GRIN2B: variants seen among roughly 807,000 people sequenced by gnomAD.
GRIN2B encodes the protein glutamate receptor ionotropic, NMDA 2B.
In GRIN2B, 5 loss-of-function variants were observed where a neutral mutation model predicts 114.5. That is an observed-to-expected ratio of 0.04 (90% CI 0.02 to 0.09). The LOEUF (loss-of-function observed/expected upper bound fraction) is 0.09. Ranked by LOEUF, GRIN2B falls within the 10% of genes least tolerant of loss-of-function variation. The pLI, the probability that GRIN2B is intolerant of heterozygous loss-of-function variation, is 1.00. For synonymous variants in GRIN2B, 787 were observed against 745.1 expected (o/e 1.06, Z -0.92); for missense variants, 1,108 against 1,943.5 (o/e 0.57, Z 8.08).
At position 13,753,168 on chromosome 12, in the gene GRIN2B, C is replaced by G. The variant is rs1863514183; in HGVS notation, c.1010+149G>C. 4.0e-6 allele frequency: 3 copies of G among 748,772 alleles called. No individual in the cohort carries two copies. Among genetic ancestry groups the G allele is most frequent in the Non-Finnish European group, 7.3e-6 (3 of 409,280 alleles). 46.4% of individuals were successfully genotyped at this position (748,772 alleles called of 1,614,324 possible). A position where few individuals can be genotyped will look rare whatever the true frequency, so the allele number is the denominator to read the frequency against. On this transcript the variant is annotated intron_variant, in intron 4 of 13. Transcript: ENST00000609686. This position sits in a 1 kb window ranked among gnomAD's most constrained non-coding sequence, Gnocchi z 6.2. ...GCAAGGTTGGATCCAAAACACTCCC[C>G]CAATCATGACCAATTGCCATGCCCA... is the stretch of plus-strand genomic sequence containing the variant.
intron 10 of GRIN2B, among the ~76,000 whole-genome samples, chr12:13,597,131 G>C (rs1417698135): frequency 6.6e-6 from 1 of 152,148 alleles, no homozygotes; most frequent in Non-Finnish European, 1.5e-5. Context: ...TCTGTAAAAC[G>C]ATGTTAATAA....
At chr12:13,701,862 C>T (rs1437961172) in intron 4 of GRIN2B, among the ~76,000 whole-genome samples, 1 of 152,188 alleles carries the variant, frequency 6.6e-6, no homozygotes, top group African/African-American at 2.4e-5. Flanking sequence ...AAGACAAACA[C>T]AAAGCAAAGC....
At chr12:13,687,759 C>T (rs1950184211) in intron 4 of GRIN2B, among the ~76,000 whole-genome samples, 1 of 152,192 alleles carries the variant, frequency 6.6e-6, no homozygotes, top group Admixed American at 6.5e-5. Flanking sequence ...TGCTCTTAGG[C>T]ACTGGATTCC....
intron 2 of GRIN2B, among the ~76,000 whole-genome samples, chr12:13,894,475 C>T (rs1281439857): frequency 6.6e-6 from 1 of 151,888 alleles, no homozygotes; most frequent in Non-Finnish European, 1.5e-5. Flanking sequence ...TTAAAAAGAG[C>T]ACCAAAAAAC....
intron 3 of GRIN2B, among the ~76,000 whole-genome samples, chr12:13,807,223 A>T (rs1440233633): frequency 6.6e-6 from 1 of 152,078 alleles, no homozygotes; most frequent in East Asian, 1.9e-4. Flanking sequence ...TTCTATGGTG[A>T]CCTTCTGCCC....
At chr12:13,852,891 C>A (rs1296045361) in intron 3 of GRIN2B, among the ~76,000 whole-genome samples, 1 of 152,090 alleles carries the variant, frequency 6.6e-6, no homozygotes, top group Admixed American at 6.5e-5. Flanking sequence ...AAACAGCACC[C>A]TGCCAATACC....
intron 2 of GRIN2B, among the ~76,000 whole-genome samples, chr12:13,897,882 T>A (rs549261940): frequency 6.6e-6 from 1 of 152,050 alleles, no homozygotes; most frequent in Admixed American, 6.5e-5. Context: ...TAGAAAATTT[T>A]ATATCCTGGG....
Position 13,547,981 on chromosome 12 carries a change from A to ATATATATATATATATATTTT in GRIN2B, c.*14801_*14802insAAAATATATATATATATATA. On this transcript the variant is annotated 3_prime_UTR_variant, in exon 14 of 14. Coordinates refer to ENST00000609686, the MANE Select transcript of GRIN2B (RefSeq NM_000834.5). The stretch of plus-strand genomic sequence containing the variant: ...TGTGTATATATATATATATATATAT[A>ATATATATATATATATATTTT]TTTTTTTTTTTTTTCTGAAAGCTAC... 2.9e-5 allele frequency: 2 copies of ATATATATATATATATATTTT among 68,586 alleles called. No homozygotes were observed. Among genetic ancestry groups the ATATATATATATATATATTTT allele is most frequent in the African/African-American group, 4.6e-5 (1 of 21,784 alleles). 4.2% of individuals were successfully genotyped at this position (68,586 alleles called of 1,614,324 possible).
chr12:13,826,952 T>C (rs1224539651), intron 3 of GRIN2B, among the ~76,000 whole-genome samples: 1 of 151,626 alleles, frequency 6.6e-6, no homozygotes, highest in Non-Finnish European at 1.5e-5. Flanking sequence ...TGCCTTTACA[T>C]AGATAAAAAG....
chr12:13,874,184 T>C (rs762211177), intron 2 of GRIN2B, among the ~76,000 whole-genome samples: 42 of 152,186 alleles, frequency 2.8e-4, no homozygotes, highest in Admixed American at 1.6e-3. Flanking sequence ...CTCTCCCGAG[T>C]AAGAGCCTTC....
At chr12:13,676,799 T>C (rs1370414231) in intron 4 of GRIN2B, among the ~76,000 whole-genome samples, 3 of 152,160 alleles carry the variant, frequency 2.0e-5, no homozygotes, top group African/African-American at 4.8e-5. Context: ...AGGGATCTGA[T>C]ATGACAGGAT....
At chr12:13,711,942 G>A (rs891075992) in intron 4 of GRIN2B, among the ~76,000 whole-genome samples, 8 of 151,918 alleles carry the variant, frequency 5.3e-5, no homozygotes, top group Non-Finnish European at 7.4e-5. Flanking sequence ...TGTTTACTGC[G>A]GCACTATTCA....
At position 13,946,609 on chromosome 12, in the gene GRIN2B, G is replaced by A. The variant is rs1363707708; in HGVS notation, c.-19+33319C>T. On this transcript the variant is annotated intron_variant, in intron 2 of 13. Transcript: ENST00000609686. ...TATTTTTTATTTCCTGTAATCATAGGTGTTTAAGTGTTGTTTTCTGGATTG... is the reference window on the plus strand; with the variant it reads ...TATTTTTTATTTCCTGTAATCATAGATGTTTAAGTGTTGTTTTCTGGATTG... Among the ~76,000 whole-genome samples, 5 of 151,946 alleles carry A rather than the reference G, an allele frequency of 3.3e-5. No individual in the cohort carries two copies. The South Asian group carries it at 1.0e-3, about 31-fold the overall frequency.
rs1244849936 is a variant in GRIN2B at position 13,547,643 on chromosome 12, T to A, written c.*15140A>T. The A allele has an allele frequency of 6.6e-6, 1 of 152,164 alleles. No individual in the cohort carries two copies. The highest frequency in any genetic ancestry group is 2.4e-5 in the African/African-American group (1 of 41,448). The allele number at this position is 152,164 out of a possible 1,614,324, so 9.4% of individuals were successfully genotyped here. A position where few individuals can be genotyped will look rare whatever the true frequency, so the allele number is the denominator to read the frequency against. On this transcript the variant is annotated 3_prime_UTR_variant, in exon 14 of 14. Transcript: ENST00000609686. ...ATGGGAGTTTTGTTCTTGGTCTTAGTTGTCTCCCTAGGAGAAGCAGCTCTT... is the reference window on the plus strand; with the variant it reads ...ATGGGAGTTTTGTTCTTGGTCTTAGATGTCTCCCTAGGAGAAGCAGCTCTT...
intron 2 of GRIN2B, among the ~76,000 whole-genome samples, chr12:13,936,698 C>A (rs1445284861): frequency 6.6e-6 from 1 of 152,008 alleles, no homozygotes; most frequent in African/African-American, 2.4e-5. Context: ...GAAAATGTGA[C>A]ACAGATTTTG....
intron 5 of GRIN2B, among the ~76,000 whole-genome samples, chr12:13,647,948 C>T (rs759742976): frequency 6.6e-5 from 10 of 152,042 alleles, no homozygotes; most frequent in Non-Finnish European, 8.8e-5. Flanking sequence ...TTGAGCTTGA[C>T]GAGTCAGAGA....
In GRIN2B at chr12:13,558,183, T is replaced by A. The variant is rs2136395649; in HGVS notation, c.*4600A>T. The A allele has an allele frequency of 6.6e-6, 1 of 152,282 alleles. No individual in the cohort carries two copies. 9.4% of individuals were successfully genotyped at this position (152,282 alleles called of 1,614,324 possible). A position where few individuals can be genotyped will look rare whatever the true frequency, so the allele number is the denominator to read the frequency against. The stretch of plus-strand genomic sequence containing the variant: ...GTGTAGCAGCCTACTGAGCATGTAT[T>A]TCCTATATGGCTTTGGGCTCAGAGA... On this transcript the variant is annotated 3_prime_UTR_variant, in exon 14 of 14. Transcript: ENST00000609686.
At chr12:13,837,356 G>A (rs1170330847) in intron 3 of GRIN2B, among the ~76,000 whole-genome samples, 2 of 152,168 alleles carry the variant, frequency 1.3e-5, no homozygotes, top group East Asian at 3.9e-4. Flanking sequence ...GTCCCCCTGA[G>A]TCCTGCATTT....
chr12:13,907,983 C>T (rs1219002934), intron 2 of GRIN2B, among the ~76,000 whole-genome samples: 2 of 151,914 alleles, frequency 1.3e-5, no homozygotes, highest in African/African-American at 4.8e-5. Context: ...CCTAAAACTG[C>T]ATTTTTTTAT....
Sources: allele counts gnomAD v4.1 joint callset (sites outside exome capture counted in the v4.1 genomes callset), GRCh38; gene constraint gnomAD v4.1.1; non-coding constraint Gnocchi (gnomAD v3.1); transcripts MANE v1.5; gene names NCBI Gene and HGNC (gene_info 2026-07-23, HGNC 2026-07-21).